Variants in DACH1 observed in about 807,000 individuals in gnomAD.
The protein encoded by DACH1 is dachshund family transcription factor 1.
Under a neutral mutation model 54.2 loss-of-function variants are expected in DACH1, and 12 were observed. The observed-to-expected ratio is 0.22, with a 90% confidence interval of 0.14 to 0.36. The LOEUF is 0.36. DACH1 is among the 10% of genes least tolerant of loss of function. The pLI, the probability that DACH1 is intolerant of heterozygous loss-of-function variation, is 1.00. For synonymous variants in DACH1, 386 were observed against 366.2 expected (o/e 1.05, Z -0.62); for missense variants, 805 against 929.8 (o/e 0.87, Z 1.75).
At chr13:71,522,059 T>C (rs773270525) in intron 6 of DACH1, among the ~76,000 whole-genome samples, 2 of 152,142 alleles carry the variant, frequency 1.3e-5, no homozygotes, top group Non-Finnish European at 2.9e-5. Context: ...ATTGTTCTAC[T>C]CTGTTTGTGG....
At chr13:71,668,644 G>A (rs1020043341) in intron 2 of DACH1, among the ~76,000 whole-genome samples, 1 of 151,608 alleles carries the variant, frequency 6.6e-6, no homozygotes, top group Non-Finnish European at 1.5e-5. Flanking sequence ...AAAGAAATGG[G>A]CCCAATGCAT....
intron 6 of DACH1, among the ~76,000 whole-genome samples, chr13:71,530,715 G>C (rs984662046): frequency 6.6e-6 from 1 of 152,090 alleles, no homozygotes; most frequent in African/African-American, 2.4e-5. Context: ...CGATCATCTT[G>C]TGAATTAAGA....
intron 3 of DACH1, among the ~76,000 whole-genome samples, chr13:71,601,113 C>T (rs1204417008): frequency 6.6e-6 from 1 of 151,866 alleles, no homozygotes; most frequent in Non-Finnish European, 1.5e-5. Context: ...AAAAGAAAAC[C>T]AAATAATTAA....
intron 3 of DACH1, among the ~76,000 whole-genome samples, chr13:71,583,726 A>G (rs1158148035): frequency 6.6e-6 from 1 of 152,082 alleles, no homozygotes; most frequent in African/African-American, 2.4e-5. Context: ...CTGTAGTCCC[A>G]GCTACTTGGG....
At chr13:71,493,299 C>T (rs1879142685) in intron 6 of DACH1, among the ~76,000 whole-genome samples, 1 of 152,036 alleles carries the variant, frequency 6.6e-6, no homozygotes, top group African/African-American at 2.4e-5. Flanking sequence ...GTACATGCAA[C>T]AAGGGACTGA....
At chr13:71,719,674 C>T (rs1323981115) in intron 1 of DACH1, among the ~76,000 whole-genome samples, 3 of 151,920 alleles carry the variant, frequency 2.0e-5, no homozygotes, top group African/African-American at 4.8e-5. Context: ...ATCTCAGCCT[C>T]GGTAACATAC....
chr13:71,748,893 TCTTTC>T (rs1333073811), intron 1 of DACH1, among the ~76,000 whole-genome samples: 20 of 102,620 alleles, frequency 1.9e-4, no homozygotes, highest in Middle Eastern at 3.8e-3. Context: ...TTTCTTTCTT[TCTTTC>T]TCTTTCTTTC....
chr13:71,672,880 A>G (rs1039319672), intron 2 of DACH1, among the ~76,000 whole-genome samples: 2 of 152,206 alleles, frequency 1.3e-5, no homozygotes, highest in Non-Finnish European at 2.9e-5. Flanking sequence ...GTCCACTGTC[A>G]TAATCAAAAG....
chr13:71,469,533 T>C (rs1228272168), intron 10 of DACH1, among the ~76,000 whole-genome samples: 1 of 152,166 alleles, frequency 6.6e-6, no homozygotes, highest in Non-Finnish European at 1.5e-5. Flanking sequence ...AAGAACAAGA[T>C]GTGGAAAGCA....
At chr13:71,834,581 G>T (rs77918335) in intron 1 of DACH1, among the ~76,000 whole-genome samples, 8,820 of 151,966 alleles carry the variant, frequency 0.058, 897 homozygotes, top group African/African-American at 0.2. Context: ...ATTCAGCATA[G>T]AATTCCACAC....
intron 10 of DACH1, among the ~76,000 whole-genome samples, chr13:71,465,015 T>A (rs1258870416): frequency 2.6e-5 from 4 of 152,104 alleles, no homozygotes; most frequent in African/African-American, 9.7e-5. Flanking sequence ...TCCAAAATGA[T>A]GTTCTCATTA....
At chr13:71,792,339 TACACACACACAC>T (rs140037316) in intron 1 of DACH1, among the ~76,000 whole-genome samples, 17 of 148,520 alleles carry the variant, frequency 1.1e-4, no homozygotes, top group African/African-American at 3.4e-4. Flanking sequence ...AAGTGTTTTG[TACACACACACAC>T]ACACACACAC....
intron 1 of DACH1, among the ~76,000 whole-genome samples, chr13:71,822,799 G>A (rs952844183): frequency 1.3e-5 from 2 of 152,024 alleles, no homozygotes; most frequent in Non-Finnish European, 2.9e-5. Context: ...AAAGGAAAGA[G>A]GGAGAGAACT....
chr13:71,656,911 G>C (rs1198332302), intron 2 of DACH1, among the ~76,000 whole-genome samples: 2 of 63,448 alleles, frequency 3.2e-5, no homozygotes, highest in Admixed American at 3.7e-4. Flanking sequence ...CAGATTGACT[G>C]TTCTTCTTTC....
intron 6 of DACH1, among the ~76,000 whole-genome samples, chr13:71,519,688 TAA>T (rs1269560665): frequency 6.0e-5 from 9 of 150,962 alleles, no homozygotes; most frequent in Admixed American, 1.3e-4. Flanking sequence ...ATATAATTGT[TAA>T]GATTTTTAAT....
intron 6 of DACH1, among the ~76,000 whole-genome samples, chr13:71,533,669 T>C (rs1882565504): frequency 6.6e-6 from 1 of 151,786 alleles, no homozygotes; most frequent in African/African-American, 2.4e-5. Flanking sequence ...GGAATGTACT[T>C]ATCAGGTCTT....
intron 2 of DACH1, among the ~76,000 whole-genome samples, chr13:71,662,412 C>T (rs928435022): frequency 3.3e-5 from 5 of 151,990 alleles, no homozygotes; most frequent in African/African-American, 9.7e-5. Flanking sequence ...AGGAAACAGG[C>T]TTGGCAGTTA....
chr13:71,440,506 T>TG lies in DACH1; in HGVS notation c.*148dup. 4.9e-6 allele frequency: 3 copies of TG among 609,294 alleles called. No homozygotes were observed. Among genetic ancestry groups the TG allele is most frequent in the Admixed American group, 3.7e-5 (1 of 27,148 alleles). 37.7% of individuals were successfully genotyped at this position (609,294 alleles called of 1,614,324 possible). On this transcript the variant is annotated 3_prime_UTR_variant, in exon 11 of 11. Transcript: ENST00000613252. ...CAATGGAGAAAACTTTTTTTTTTTT[T>TG]GTAGAATACTTAAACTTTTAAAGAA...
At chr13:71,742,227 C>A (rs1884419595) in intron 1 of DACH1, among the ~76,000 whole-genome samples, 1 of 152,164 alleles carries the variant, frequency 6.6e-6, no homozygotes, top group African/African-American at 2.4e-5. Flanking sequence ...AATTAAATCT[C>A]TTTTTCTTCC....
Sources: allele counts gnomAD v4.1 joint callset (sites outside exome capture counted in the v4.1 genomes callset), GRCh38; gene constraint gnomAD v4.1.1; transcripts MANE v1.5; gene names NCBI Gene and HGNC (gene_info 2026-07-23, HGNC 2026-07-21).